Variants in IL1RAPL2 observed in about 807,000 individuals in gnomAD.
IL1RAPL2 encodes interleukin 1 receptor accessory protein like 2, also known as X-linked interleukin-1 receptor accessory protein-like 2.
A neutral mutation model predicts 44.1 loss-of-function variants in IL1RAPL2; 3 were observed. The observed-to-expected ratio is 0.07, with a 90% CI of 0.03 to 0.18. The LOEUF (loss-of-function observed/expected upper bound fraction) is 0.18. Among genes scored for constraint, IL1RAPL2 ranks in the 10% least tolerant of loss-of-function variants. The probability of loss-of-function intolerance (pLI) is 1.00; values close to 1 mark genes in which losing one functional copy is unlikely to be tolerated. For synonymous variants in IL1RAPL2, 181 were observed against 178.8 expected (o/e 1.01, Z -0.10); for missense variants, 391 against 496.4 (o/e 0.79, Z 2.02).
chrX:105,232,815 G>A (rs1361858403), intron 3 of IL1RAPL2, among the ~76,000 whole-genome samples: 6 of 112,300 alleles, frequency 5.3e-5, no homozygotes, highest in African/African-American at 1.3e-4. Flanking sequence ...TCTGTAATGT[G>A]TTAGCCAATT....
intron 2 of IL1RAPL2, among the ~76,000 whole-genome samples, chrX:104,796,748 G>GT (rs2147610714): frequency 9.0e-6 from 1 of 111,317 alleles, no homozygotes; most frequent in South Asian, 3.8e-4. Context: ...GGAAAAGAGT[G>GT]TTTTTTGGTT....
At position 104,566,776 on chromosome X, in the gene IL1RAPL2, C is replaced by T. The variant is rs1418150103; in HGVS notation, c.-295C>T. 8.8e-6 allele frequency: 1 copy of T among 113,054 alleles called. No individual in the cohort carries two copies. Among genetic ancestry groups the T allele is most frequent in the Non-Finnish European group, 1.9e-5 (1 of 53,400 alleles). The allele number at this position is 113,054 out of a possible 1,213,427, so 9.3% of individuals were successfully genotyped here. ...TCCCTTTCCAGCTCTCCCCAAAGTC[C>T]ACAGAAGCTCTGCTGAACTCTAGAA... On this transcript the variant is annotated 5_prime_UTR_variant, in exon 1 of 11. Transcript: ENST00000372582.
chrX:104,920,273 C>T (rs1309003305), intron 2 of IL1RAPL2, among the ~76,000 whole-genome samples: 2 of 110,920 alleles, frequency 1.8e-5, no homozygotes, highest in Non-Finnish European at 3.8e-5. Flanking sequence ...CTTTTCTTTC[C>T]CCTTACTTCT....
intron 6 of IL1RAPL2, among the ~76,000 whole-genome samples, chrX:105,494,144 A>G (rs2147779799): frequency 8.9e-6 from 1 of 111,906 alleles, no homozygotes; most frequent in Admixed American, 9.5e-5. Context: ...TATTAGGAAT[A>G]AGTGTCAACT....
chrX:104,836,898 T>A (rs1449078123), intron 2 of IL1RAPL2, among the ~76,000 whole-genome samples: 1 of 110,042 alleles, frequency 9.1e-6, no homozygotes, highest in East Asian at 2.9e-4. Context: ...TTACCCCCTA[T>A]CCCTAATAAT....
rs915725396 is a variant in IL1RAPL2, at chrX:104,941,034, A to G, written c.83-254441A>G. Among the ~76,000 whole-genome samples the G allele has an allele frequency of 7.3e-5, 8 of 109,730 alleles. No homozygotes were observed. The East Asian group carries it at 1.5e-3, about 20-fold the overall frequency. Reference sequence around the variant, plus strand: ...ATGTCCCTACAAAGGACATGAACTTATCCTTTTTTATGGCTGCATAGTAAT... The same window carrying G: ...ATGTCCCTACAAAGGACATGAACTTGTCCTTTTTTATGGCTGCATAGTAAT... On this transcript the variant is annotated intron_variant, in intron 2 of 10. Transcript: ENST00000372582.
chrX:104,790,546 G>C (rs1932820257), intron 2 of IL1RAPL2, among the ~76,000 whole-genome samples: 1 of 110,266 alleles, frequency 9.1e-6, no homozygotes, highest in Non-Finnish European at 1.9e-5. Context: ...TACTGGGACA[G>C]GTAATTTGGG....
chrX:104,785,105 G>A (rs1363575009), intron 2 of IL1RAPL2, among the ~76,000 whole-genome samples: 5 of 109,795 alleles, frequency 4.6e-5, no homozygotes, highest in African/African-American at 1.7e-4. Flanking sequence ...TCAACCTCCC[G>A]GGCTCAAGTG....
intron 7 of IL1RAPL2, among the ~76,000 whole-genome samples, chrX:105,732,153 C>T (rs781282673): frequency 9.0e-6 from 1 of 111,292 alleles, no homozygotes; most frequent in Non-Finnish European, 1.9e-5. Flanking sequence ...TTTTTTTATT[C>T]ATTGCTCTTA....
At chrX:104,689,766 G>C (rs1357206115) in intron 2 of IL1RAPL2, among the ~76,000 whole-genome samples, 1 of 111,911 alleles carries the variant, frequency 8.9e-6, no homozygotes, top group Non-Finnish European at 1.9e-5. Context: ...GGGAAATTAA[G>C]CAGTCAGTTT....
intron 2 of IL1RAPL2, among the ~76,000 whole-genome samples, chrX:105,132,477 A>AT (rs1261344032): frequency 9.0e-6 from 1 of 110,830 alleles, no homozygotes; most frequent in Non-Finnish European, 1.9e-5. Context: ...CAAAAAATAG[A>AT]TTTTCAGGGG....
At chrX:104,682,550 C>G (rs1037612390) in intron 2 of IL1RAPL2, among the ~76,000 whole-genome samples, 2 of 112,410 alleles carry the variant, frequency 1.8e-5, no homozygotes, top group African/African-American at 6.5e-5. Context: ...TTCTCACATT[C>G]GTGTTTCAGC....
chrX:105,471,599 A>C, intron 5 of IL1RAPL2, among the ~76,000 whole-genome samples: 1 of 108,496 alleles, frequency 9.2e-6, no homozygotes, highest in Admixed American at 9.9e-5. Flanking sequence ...TTTTCTCCCA[A>C]GCTCTCTGAG....
intron 2 of IL1RAPL2, among the ~76,000 whole-genome samples, chrX:104,858,745 CAAAA>C (rs781001874): frequency 3.6e-5 from 4 of 111,439 alleles, no homozygotes; most frequent in African/African-American, 6.5e-5. Context: ...CAATTTATAA[CAAAA>C]AACTCAAATC....
chrX:104,960,341 A>G (rs2029982167), intron 2 of IL1RAPL2, among the ~76,000 whole-genome samples: 1 of 112,167 alleles, frequency 8.9e-6, no homozygotes, highest in Admixed American at 9.5e-5. Context: ...GAAAACAGAC[A>G]TAGAGAGGTT....
intron 5 of IL1RAPL2, among the ~76,000 whole-genome samples, chrX:105,289,116 A>T (rs1186594969): frequency 3.6e-5 from 4 of 110,792 alleles, no homozygotes; most frequent in African/African-American, 1.3e-4. Flanking sequence ...AGTCAGTGAT[A>T]GTATATAGGA....
intron 2 of IL1RAPL2, among the ~76,000 whole-genome samples, chrX:104,738,361 T>G (rs1366052271): frequency 8.9e-6 from 1 of 112,052 alleles, no homozygotes; most frequent in Non-Finnish European, 1.9e-5. Context: ...AATGGCAGAT[T>G]TTAGGTGGTG....
intron 2 of IL1RAPL2, among the ~76,000 whole-genome samples, chrX:105,059,299 AC>A: frequency 8.9e-6 from 1 of 111,784 alleles, no homozygotes; most frequent in East Asian, 2.8e-4. Context: ...GCTTTTGGTA[AC>A]CATCATTCTA....
rs145088897 is a variant in IL1RAPL2, at chrX:105,687,869, C to A, written c.773-29498C>A. The stretch of plus-strand genomic sequence containing the variant: ...TCCCGCAGCACATCAAAAAGCATAT[C>A]CACCACAATGAAATAGGCCTCATCC... On this transcript the variant is annotated intron_variant, in intron 6 of 10. Transcript: ENST00000372582. Among the ~76,000 whole-genome samples the A allele has an allele frequency of 4.7e-3, 521 of 111,595 alleles. 5 individuals carry two copies. Among genetic ancestry groups the A allele is most frequent in the African/African-American group, 0.016 (497 of 30,732 alleles).
Sources: gnomAD v4.1 joint callset for allele counts (sites outside exome capture counted in the v4.1 genomes callset) on GRCh38, gnomAD v4.1.1 for gene constraint, MANE v1.5 for transcripts, NCBI Gene and HGNC (gene_info 2026-07-23, HGNC 2026-07-21) for gene names.